The following ZMYND11 variants were observed in gnomAD, a reference collection of about 807,000 sequenced individuals.
ZMYND11 encodes zinc finger MYND domain-containing protein 11.
Under a neutral mutation model 84.9 loss-of-function variants are expected in ZMYND11, and 9 were observed. That is an observed-to-expected ratio of 0.11 (90% CI 0.06 to 0.18). ZMYND11 has a LOEUF of 0.18. ZMYND11 is among the 10% of genes least tolerant of loss of function. The pLI is 1.00. For synonymous variants in ZMYND11, 250 were observed against 244.1 expected (o/e 1.02, Z -0.23); for missense variants, 409 against 761.0 (o/e 0.54, Z 5.44).
At chr10:237,550 A>G in intron 5 of ZMYND11, 35 bp from the exon 6 acceptor site, 1 of 1,368,824 alleles carries the variant, frequency 7.3e-7, no homozygotes, top group Non-Finnish European at 1.0e-6. Context: ...CCTTCCTTTA[A>G]CCACATTTAA....
intron 3 of ZMYND11, among the ~76,000 whole-genome samples, chr10:215,252 C>T (rs1290297297): frequency 6.6e-6 from 1 of 152,072 alleles, no homozygotes; most frequent in Non-Finnish European, 1.5e-5. Flanking sequence ...CAGGTTTGGT[C>T]TCACAGCCTC....
intron 4 of ZMYND11, among the ~76,000 whole-genome samples, chr10:224,509 C>T (rs1947747107): frequency 6.6e-6 from 1 of 152,094 alleles, no homozygotes; most frequent in African/African-American, 2.4e-5. Flanking sequence ...ACTGAGATCT[C>T]TCTCATTAAA....
At chr10:130,129 G>GTT, upstream of ZMYND11, among the ~76,000 whole-genome samples, 1 of 152,312 alleles carries the variant, frequency 6.6e-6, no homozygotes, top group Middle Eastern at 3.4e-3. Flanking sequence ...TGGAACTGCA[G>GTT]TTCTGAAAAA....
At chr10:204,328 T>C (rs1479335723) in intron 2 of ZMYND11, among the ~76,000 whole-genome samples, 3 of 152,226 alleles carry the variant, frequency 2.0e-5, no homozygotes, top group African/African-American at 7.2e-5. Context: ...TTTCAGAATT[T>C]ACACAAATTT....
Position 175,938 on chromosome 10 carries a change from A to C in ZMYND11, c.-19-4056A>C, listed in dbSNP as rs11250687. 2.1e-3 allele frequency among the ~76,000 whole-genome samples: 324 copies of C among 152,308 alleles called. 3 individuals carry two copies. Among genetic ancestry groups the C allele is most frequent in the African/African-American group, 7.6e-3 (318 of 41,574 alleles). On this transcript the variant is annotated intron_variant, in intron 1 of 14. Coordinates refer to ENST00000381604, the MANE Select transcript of ZMYND11 (RefSeq NM_001370100.5). Reference sequence around the variant, plus strand: ...AAAATCGAACCTATTTGGTGTTTTGAATTTTCACACTGTGCTCCTCCATCT... The same window carrying C: ...AAAATCGAACCTATTTGGTGTTTTGCATTTTCACACTGTGCTCCTCCATCT...
intron 10 of ZMYND11, among the ~76,000 whole-genome samples, chr10:242,533 T>G (rs1951211993): frequency 1.3e-5 from 2 of 152,206 alleles, no homozygotes; most frequent in Non-Finnish European, 2.9e-5. Flanking sequence ...ATCGTCAATC[T>G]TGTGATCTTA....
intron 1 of ZMYND11, among the ~76,000 whole-genome samples, chr10:137,044 G>A (rs1333590772): frequency 1.3e-5 from 2 of 152,056 alleles, no homozygotes; most frequent in African/African-American, 4.8e-5. Context: ...GTTATATATG[G>A]TGTGTAGGTA....
chr10:142,654 C>T (rs574534520), intron 1 of ZMYND11, among the ~76,000 whole-genome samples: 1 of 152,308 alleles, frequency 6.6e-6, no homozygotes, highest in South Asian at 2.1e-4. Context: ...TAAATCTTTA[C>T]AGTGATATTC....
At chr10:133,121 G>C (rs568651258), upstream of ZMYND11, among the ~76,000 whole-genome samples, 3 of 152,274 alleles carry the variant, frequency 2.0e-5, no homozygotes, top group East Asian at 5.8e-4. Flanking sequence ...TGCATTTCAA[G>C]AGAGTTGACA....
chr10:210,678 C>G (rs1254857010), intron 3 of ZMYND11, among the ~76,000 whole-genome samples: 5 of 152,164 alleles, frequency 3.3e-5, no homozygotes, highest in African/African-American at 1.2e-4. Context: ...TAATCTGCTT[C>G]TCTTTCCTTT....
At chr10:161,050 C>T (rs1167806910) in intron 1 of ZMYND11, among the ~76,000 whole-genome samples, 4 of 147,510 alleles carry the variant, frequency 2.7e-5, no homozygotes, top group Admixed American at 6.9e-5. Context: ...CAGCCTTGAA[C>T]TCTTCGGCTC....
chr10:164,615 C>T (rs782507089), intron 1 of ZMYND11, among the ~76,000 whole-genome samples: 2 of 152,120 alleles, frequency 1.3e-5, no homozygotes, highest in Admixed American at 6.6e-5. Flanking sequence ...GTATAAATCC[C>T]GTTTACTCAG....
intron 1 of ZMYND11, among the ~76,000 whole-genome samples, chr10:156,131 A>T (rs1841659618): frequency 6.6e-6 from 1 of 152,208 alleles, no homozygotes; most frequent in South Asian, 2.1e-4. Context: ...ATGGGTTTCA[A>T]CTGGGTAAAG....
At chr10:150,648 A>G (rs1372008731) in intron 1 of ZMYND11, among the ~76,000 whole-genome samples, 1 of 152,164 alleles carries the variant, frequency 6.6e-6, no homozygotes, top group African/African-American at 2.4e-5. Flanking sequence ...TCTGTAGACC[A>G]CCTCTGGGGG....
At chr10:179,881 C>T (rs1451736290) in intron 1 of ZMYND11, 113 bp from the exon 2 acceptor site, 2 of 561,614 alleles carry the variant, frequency 3.6e-6, no homozygotes, top group East Asian at 3.1e-5. Flanking sequence ...GTGGGCAATA[C>T]TACATACTAA....
chr10:176,652 C>G (rs1846701570), intron 1 of ZMYND11, among the ~76,000 whole-genome samples: 1 of 151,894 alleles, frequency 6.6e-6, no homozygotes, highest in African/African-American at 2.4e-5. Context: ...TGTACAAAAG[C>G]AATACATTTG....
chr10:223,099 G>A (rs1589069970), intron 4 of ZMYND11, among the ~76,000 whole-genome samples: 3 of 151,332 alleles, frequency 2.0e-5, no homozygotes, highest in Admixed American at 2.0e-4. Flanking sequence ...GCATGATCTC[G>A]GCTCACTGCA....
At chr10:247,836 C>T (rs1448324010) in intron 12 of ZMYND11, among the ~76,000 whole-genome samples, 1 of 152,166 alleles carries the variant, frequency 6.6e-6, no homozygotes, top group Non-Finnish European at 1.5e-5. Context: ...CATTTAAAAA[C>T]TTGAAGGAGA....
chr10:244,762 A>T (rs1030977892), intron 10 of ZMYND11, among the ~76,000 whole-genome samples: 1 of 152,184 alleles, frequency 6.6e-6, no homozygotes, highest in Non-Finnish European at 1.5e-5. Flanking sequence ...TTGCTTTTTT[A>T]TTTTTTGTAG....
Sources: allele counts gnomAD v4.1 joint callset (sites outside exome capture counted in the v4.1 genomes callset), GRCh38; gene constraint gnomAD v4.1.1; transcripts MANE v1.5; gene names NCBI Gene and HGNC (gene_info 2026-07-23, HGNC 2026-07-21).